Variants in MECOM observed in about 807,000 individuals in gnomAD.
MECOM encodes histone-lysine N-methyltransferase MECOM.
MECOM carries 13 observed loss-of-function variants against 116.3 expected under a neutral mutation model. The observed-to-expected ratio is 0.11, with a 90% CI of 0.07 to 0.18. MECOM has a LOEUF of 0.18. MECOM is among the 10% of genes least tolerant of loss of function. The probability of loss-of-function intolerance (pLI) is 1.00; values close to 1 mark genes in which losing one functional copy is unlikely to be tolerated. For missense variants in MECOM, 1,299 were observed against 1,509.0 expected (o/e 0.86, Z 2.31); for synonymous variants, 528 against 535.2 (o/e 0.99, Z 0.19).
intron 2 of MECOM, among the ~76,000 whole-genome samples, chr3:169,296,348 A>G (rs944818396): frequency 2.0e-5 from 3 of 152,246 alleles, no homozygotes; most frequent in East Asian, 1.9e-4. Context: ...GAGAAGAGCA[A>G]GAACGCCAAA....
intron 1 of MECOM, among the ~76,000 whole-genome samples, chr3:169,596,458 A>T (rs1454645100): frequency 6.6e-6 from 1 of 152,206 alleles, no homozygotes; most frequent in Non-Finnish European, 1.5e-5. Flanking sequence ...ATATAATTGC[A>T]TCTCTACCTG....
intron 1 of MECOM, among the ~76,000 whole-genome samples, chr3:169,545,379 TC>T (rs1231164513): frequency 2.0e-5 from 3 of 152,058 alleles, no homozygotes; most frequent in Non-Finnish European, 4.4e-5. Context: ...AGGGGTATAA[TC>T]CTTAGCTCCT....
chr3:169,230,562 A>G (rs1383428649), intron 2 of MECOM, among the ~76,000 whole-genome samples: 1 of 152,162 alleles, frequency 6.6e-6, no homozygotes, highest in African/African-American at 2.4e-5. Context: ...ATCAAGCTCT[A>G]AAGTAAGTTT....
chr3:169,489,585 C>T (rs1445765845), intron 1 of MECOM, among the ~76,000 whole-genome samples: 3 of 152,066 alleles, frequency 2.0e-5, no homozygotes, highest in Non-Finnish European at 4.4e-5. Context: ...AACAAACCTG[C>T]ACATTTGTGG....
intron 2 of MECOM, among the ~76,000 whole-genome samples, chr3:169,151,411 A>G (rs561806761): frequency 6.6e-6 from 1 of 152,110 alleles, no homozygotes; most frequent in Non-Finnish European, 1.5e-5. Flanking sequence ...TTATAACCTC[A>G]GTCTAAATTC....
chr3:169,491,781 T>C (rs1193074247), intron 1 of MECOM, among the ~76,000 whole-genome samples: 2 of 152,202 alleles, frequency 1.3e-5, no homozygotes, highest in Non-Finnish European at 2.9e-5. Context: ...TCTTCATCAA[T>C]CCTTCTAGTT....
intron 2 of MECOM, among the ~76,000 whole-genome samples, chr3:169,247,677 C>T (rs1426648490): frequency 2.0e-5 from 3 of 152,188 alleles, no homozygotes; most frequent in Non-Finnish European, 2.9e-5. Flanking sequence ...TTTCTTGAAA[C>T]AATTTCTAAA....
intron 2 of MECOM, among the ~76,000 whole-genome samples, chr3:169,282,244 C>A (rs970291148): frequency 2.0e-5 from 3 of 152,132 alleles, no homozygotes; most frequent in Admixed American, 6.5e-5. Flanking sequence ...AACCAGATAA[C>A]CTTCTTGGAT....
chr3:169,170,362 G>A (rs1008045336), intron 2 of MECOM, among the ~76,000 whole-genome samples: 12 of 131,514 alleles, frequency 9.1e-5, no homozygotes, highest in Admixed American at 1.8e-4. Context: ...AGCCAAGATC[G>A]CACCACTGCA....
intron 1 of MECOM, among the ~76,000 whole-genome samples, chr3:169,437,082 G>A (rs1742782644): frequency 6.6e-6 from 1 of 152,146 alleles, no homozygotes; most frequent in Admixed American, 6.5e-5. Flanking sequence ...ACCAATTAGA[G>A]TTTTGTATTT....
intron 2 of MECOM, among the ~76,000 whole-genome samples, chr3:169,159,736 A>T (rs985440110): frequency 3.3e-5 from 5 of 152,202 alleles, no homozygotes; most frequent in African/African-American, 1.2e-4. Flanking sequence ...AAAGAAGTTT[A>T]GGATAGTGAC....
chr3:169,218,942 C>T (rs1320834121), intron 2 of MECOM, among the ~76,000 whole-genome samples: 1 of 152,128 alleles, frequency 6.6e-6, no homozygotes, highest in Non-Finnish European at 1.5e-5. Flanking sequence ...ACACCTACCC[C>T]TACGTATATA....
Position 169,325,859 on chromosome 3 carries a change from G to A in MECOM, c.375+55328C>T, listed in dbSNP as rs749293513. On this transcript the variant is annotated intron_variant, in intron 2 of 16. Transcript: ENST00000651503. ...TCCATGAAGTTGCGTTGATTTCTACGAAGAAGAAATACAAACCAAAGGGTC... is the reference window on the plus strand; with the variant it reads ...TCCATGAAGTTGCGTTGATTTCTACAAAGAAGAAATACAAACCAAAGGGTC... Among the ~76,000 whole-genome samples, 4 of 152,294 alleles carry A rather than the reference G, an allele frequency of 2.6e-5. No individual in the cohort carries two copies. The South Asian group carries it at 6.2e-4, about 24-fold the overall frequency.
At chr3:169,604,887 A>T (rs1007090794) in intron 1 of MECOM, among the ~76,000 whole-genome samples, 20 of 152,240 alleles carry the variant, frequency 1.3e-4, no homozygotes, top group African/African-American at 4.8e-4. Context: ...TCTTGGGGGT[A>T]TCTCATTTTT....
intron 1 of MECOM, among the ~76,000 whole-genome samples, chr3:169,646,399 C>T (rs568045845): frequency 2.0e-5 from 3 of 151,210 alleles, no homozygotes; most frequent in Admixed American, 6.6e-5. Context: ...CCAACATGGC[C>T]GATGTATACA....
intron 1 of MECOM, among the ~76,000 whole-genome samples, chr3:169,426,368 C>A (rs1299757873): frequency 6.6e-6 from 1 of 152,142 alleles, no homozygotes; most frequent in Non-Finnish European, 1.5e-5. Context: ...TCTTGAGGCA[C>A]AATCTAAGCT....
chr3:169,552,290 T>C (rs1478283800), intron 1 of MECOM, among the ~76,000 whole-genome samples: 2 of 146,788 alleles, frequency 1.4e-5, no homozygotes, highest in African/African-American at 2.4e-5. Context: ...ATTAATAGTC[T>C]ATGCATTCTT....
At chr3:169,523,587 T>C (rs1240440890) in intron 1 of MECOM, among the ~76,000 whole-genome samples, 1 of 152,140 alleles carries the variant, frequency 6.6e-6, no homozygotes, top group Non-Finnish European at 1.5e-5. Flanking sequence ...GTTAAGTACT[T>C]AGGCACTGAC....
intron 2 of MECOM, among the ~76,000 whole-genome samples, chr3:169,367,400 T>C (rs976157830): frequency 7.9e-5 from 12 of 151,990 alleles, no homozygotes; most frequent in African/African-American, 2.7e-4. Flanking sequence ...AACAATTTTT[T>C]TTGTAGTTAC....
Sources: gnomAD v4.1 joint callset for allele counts (sites outside exome capture counted in the v4.1 genomes callset) on GRCh38, gnomAD v4.1.1 for gene constraint, MANE v1.5 for transcripts, NCBI Gene and HGNC (gene_info 2026-07-23, HGNC 2026-07-21) for gene names.